GHR: variants seen among roughly 807,000 people sequenced by gnomAD.
GHR encodes the protein GH receptor.
In GHR, 35 loss-of-function variants were observed where a neutral mutation model predicts 67.1. That is an observed-to-expected ratio of 0.52 (90% CI 0.40 to 0.69). The LOEUF (loss-of-function observed/expected upper bound fraction) is 0.69. Among genes scored for constraint, GHR ranks in the 30% least tolerant of loss-of-function variants. The pLI, the probability that GHR is intolerant of heterozygous loss-of-function variation, is 0.00. For missense variants in GHR, 792 were observed against 764.6 expected, an observed-to-expected ratio of 1.04 and a Z score of -0.42; for synonymous variants, 272 against 269.1, an observed-to-expected ratio of 1.01 and a Z score of -0.10.
intron 1 of GHR, among the ~76,000 whole-genome samples, chr5:42,446,820 G>A (rs1579713218): frequency 6.6e-6 from 1 of 152,274 alleles, no homozygotes; most frequent in East Asian, 1.9e-4. Flanking sequence ...CATCCCTATA[G>A]TGTGTGAAGA....
chr5:42,510,881 C>T (rs1365362290), intron 1 of GHR, among the ~76,000 whole-genome samples: 1 of 152,168 alleles, frequency 6.6e-6, no homozygotes, highest in Non-Finnish European at 1.5e-5. Flanking sequence ...ATCTTTAATT[C>T]CCTTAAGAGA....
chr5:42,436,478 A>G (rs1223702673), intron 1 of GHR, among the ~76,000 whole-genome samples: 1 of 152,142 alleles, frequency 6.6e-6, no homozygotes, highest in African/African-American at 2.4e-5. Flanking sequence ...TATTTTCAAA[A>G]CCTGCCTAAC....
intron 3 of GHR, among the ~76,000 whole-genome samples, chr5:42,667,648 G>A (rs947818460): frequency 1.3e-5 from 2 of 152,160 alleles, no homozygotes; most frequent in African/African-American, 2.4e-5. Flanking sequence ...TTAGAAGGAG[G>A]CCTTAGCTAG....
At chr5:42,452,079 T>A (rs1466356234) in intron 1 of GHR, among the ~76,000 whole-genome samples, 1 of 152,220 alleles carries the variant, frequency 6.6e-6, no homozygotes, top group Non-Finnish European at 1.5e-5. Flanking sequence ...CTTAAGCAGT[T>A]CTTGTAGTGC....
At chr5:42,716,169 C>CA (rs35197877) in intron 8 of GHR, among the ~76,000 whole-genome samples, 3,456 of 29,752 alleles carry the variant, frequency 0.12, 50 homozygotes, top group Middle Eastern at 0.3. Flanking sequence ...GATGCAGAAT[C>CA]AAAAAAAAAA....
intron 1 of GHR, chr5:42,468,877 C>T (rs1437000876): frequency 1.2e-6 from 1 of 809,762 alleles, no homozygotes; most frequent in Non-Finnish European, 1.9e-6. Context: ...GATGGTTGCT[C>T]GGCGGCACAT....
intron 3 of GHR, among the ~76,000 whole-genome samples, chr5:42,682,406 T>A (rs1756930409): frequency 6.6e-6 from 1 of 152,092 alleles, no homozygotes; most frequent in Non-Finnish European, 1.5e-5. Context: ...GACCTAAGAG[T>A]CTATAGTAGT....
At chr5:42,533,232 T>G (rs1748059536) in intron 1 of GHR, among the ~76,000 whole-genome samples, 1 of 152,168 alleles carries the variant, frequency 6.6e-6, no homozygotes, top group Non-Finnish European at 1.5e-5. Flanking sequence ...CTCATCTGAA[T>G]TGCCTATTTC....
At chr5:42,549,977 C>T in intron 1 of GHR, 5 of 230,374 alleles carry the variant, frequency 2.2e-5, no homozygotes, top group Non-Finnish European at 3.6e-5. Context: ...CACCCTCATT[C>T]AGGGAGGGTG....
chr5:42,446,693 CATA>C (rs1172944666), intron 1 of GHR, among the ~76,000 whole-genome samples: 2 of 152,272 alleles, frequency 1.3e-5, no homozygotes, highest in East Asian at 3.9e-4. Context: ...CTTACTCTTA[CATA>C]ATTAGTAAGA....
intron 2 of GHR, among the ~76,000 whole-genome samples, chr5:42,611,502 C>T (rs1752888782): frequency 6.6e-6 from 1 of 152,062 alleles, no homozygotes; most frequent in Non-Finnish European, 1.5e-5. Flanking sequence ...ATTTATTGCC[C>T]CCTTCCCATG....
At chr5:42,683,046 G>A (rs1756966212) in intron 3 of GHR, among the ~76,000 whole-genome samples, 1 of 151,778 alleles carries the variant, frequency 6.6e-6, no homozygotes, top group Non-Finnish European at 1.5e-5. Flanking sequence ...TCCATCACCA[G>A]ACTGGAGTGC....
intron 1 of GHR, among the ~76,000 whole-genome samples, chr5:42,473,818 A>C (rs1745115200): frequency 6.6e-6 from 1 of 151,756 alleles, no homozygotes; most frequent in Non-Finnish European, 1.5e-5. Flanking sequence ...CAGAGGTTGC[A>C]ATGAGCTGAG....
chr5:42,439,789 A>G (rs936826137), intron 1 of GHR, among the ~76,000 whole-genome samples: 3 of 152,216 alleles, frequency 2.0e-5, no homozygotes, highest in Non-Finnish European at 2.9e-5. Context: ...TGAAGTGGAT[A>G]TGACTAGTTC....
chr5:42,669,687 C>A lies in GHR; in HGVS notation c.137-19203C>A, dbSNP rs546986708. Reference sequence around the variant, plus strand: ...CCCAAATTAACCATCAAATGCTACCCATTAAAATCACTGGGGAACTTTTAA... The same window carrying A: ...CCCAAATTAACCATCAAATGCTACCAATTAAAATCACTGGGGAACTTTTAA... On this transcript the variant is annotated intron_variant, in intron 3 of 9. Transcript: ENST00000230882. Among the ~76,000 whole-genome samples the A allele has an allele frequency of 2.0e-3, 301 of 152,276 alleles. 1 individual carries two copies. Among genetic ancestry groups the A allele is most frequent in the African/African-American group, 7.0e-3 (290 of 41,560 alleles).
chr5:42,646,737 T>G (rs1320439975), intron 3 of GHR, among the ~76,000 whole-genome samples: 1 of 152,166 alleles, frequency 6.6e-6, no homozygotes, highest in African/African-American at 2.4e-5. Flanking sequence ...AGGTGCTTGG[T>G]GACGTCCTGC....
intron 1 of GHR, among the ~76,000 whole-genome samples, chr5:42,510,210 A>G (rs1300488130): frequency 6.6e-6 from 1 of 151,858 alleles, no homozygotes; most frequent in Non-Finnish European, 1.5e-5. Context: ...CATTTATCAC[A>G]TTTTCCACTG....
At chr5:42,515,736 GT>G (rs1172609935) in intron 1 of GHR, among the ~76,000 whole-genome samples, 1 of 152,236 alleles carries the variant, frequency 6.6e-6, no homozygotes, top group Non-Finnish European at 1.5e-5. Flanking sequence ...AATTTAGTGG[GT>G]GGTCCAACCT....
chr5:42,676,011 G>T (rs370627705), intron 3 of GHR, among the ~76,000 whole-genome samples: 1 of 152,334 alleles, frequency 6.6e-6, no homozygotes, highest in South Asian at 2.1e-4. Context: ...AATTGGCTGG[G>T]TATGGTGGCT....
Sources: gnomAD v4.1 joint callset for allele counts (sites outside exome capture counted in the v4.1 genomes callset) on GRCh38, gnomAD v4.1.1 for gene constraint, MANE v1.5 for transcripts, NCBI Gene and HGNC (gene_info 2026-07-23, HGNC 2026-07-21) for gene names.